The following SDAD1 variants were observed in gnomAD, a reference collection of about 807,000 sequenced individuals.
SDAD1 encodes protein SDA1 homolog.
SDAD1 carries 79 observed loss-of-function variants against 100.3 expected under a neutral mutation model. That is an observed-to-expected ratio of 0.79 (90% CI 0.66 to 0.95). The LOEUF (loss-of-function observed/expected upper bound fraction) is 0.95, where lower values mean the gene tolerates loss of function less well. SDAD1 is among the 40% of genes least tolerant of loss of function. The pLI is 0.00. For missense variants in SDAD1, 790 were observed against 810.9 expected, an observed-to-expected ratio of 0.97 and a Z score of 0.31; for synonymous variants, 267 against 271.4, an observed-to-expected ratio of 0.98 and a Z score of 0.16.
rs533408561 is a variant in SDAD1, at chr4:75,972,029, T to C, written c.712-571A>G. ...TCTCAGCTCACTACAACCTCCACCT[T>C]CCAGGTTAAAGTGATACTCCCACCT... On this transcript the variant is annotated intron_variant, in intron 8 of 21. Transcript: ENST00000356260. 8.6e-5 allele frequency among the ~76,000 whole-genome samples: 13 copies of C among 151,332 alleles called. No homozygotes were observed. The South Asian group carries it at 2.5e-3, about 29-fold the overall frequency.
At chr4:75,958,061 C>T in intron 17 of SDAD1, 120 bp from the exon 18 acceptor site, 6 of 799,546 alleles carry the variant, frequency 7.5e-6, no homozygotes, top group East Asian at 2.4e-5. Flanking sequence ...TAACCAAGAA[C>T]TGAGCAATAT....
chr4:75,983,942 T>G (rs1446528208), intron 1 of SDAD1, among the ~76,000 whole-genome samples: 1 of 152,182 alleles, frequency 6.6e-6, no homozygotes, highest in Non-Finnish European at 1.5e-5. Context: ...AAGTCTTTAA[T>G]CCATCTTGAT....
In SDAD1 at chr4:75,960,188, T is replaced by G. The variant is rs373597281; in HGVS notation, c.1361A>C (p.Lys454Thr). 2.5e-6 allele frequency: 4 copies of G among 1,581,624 alleles called. No individual in the cohort carries two copies. In the African/African-American group the frequency reaches 5.5e-5, roughly 22 times the overall value. The change falls in exon 17 of 22, where the codon AAG (lysine) becomes ACG (threonine). Residue 454 changes from lysine to threonine, a missense_variant. Physicochemically the swap from Lys to Thr is moderately conservative, Grantham distance 78 (BLOSUM62 -1). Transcript: ENST00000356260. Reference protein sequence around the residue: ...PQMLQKKFRGKPTEASIEARV... With the variant: ...PQMLQKKFRGTPTEASIEARV... ...TGCTTCTATGGAGGCCTCTGTAGGC[T>G]TACCCTAAAGGAAAAGAAATTGTTT...
intron 12 of SDAD1, among the ~76,000 whole-genome samples, chr4:75,966,066 C>T (rs968164404): frequency 5.3e-5 from 8 of 152,176 alleles, no homozygotes; most frequent in Admixed American, 3.3e-4. Context: ...CCCGACACTC[C>T]CTATTGTCCT....
chr4:75,962,090 A>G (rs1201452983), intron 14 of SDAD1, among the ~76,000 whole-genome samples: 1 of 151,964 alleles, frequency 6.6e-6, no homozygotes, highest in East Asian at 1.9e-4. Context: ...GATGTTCCCC[A>G]TCCTGTGTCC....
chr4:75,981,580 A>C, intron 2 of SDAD1, 110 bp from the exon 3 acceptor site: 1 of 1,547,108 alleles, frequency 6.5e-7, no homozygotes, highest in East Asian at 2.4e-5. Context: ...TGTTTCATAG[A>C]AGTAGATGGT....
Position 75,956,396 on chromosome 4 carries a change from G to GT in SDAD1, c.1855-261dup, listed in dbSNP as rs1332896998. Among the ~76,000 whole-genome samples, 518 of 110,966 alleles carry GT rather than the reference G, an allele frequency of 4.7e-3. 7 individuals are homozygous for GT. Among genetic ancestry groups the GT allele is most frequent in the African/African-American group, 0.014 (491 of 34,174 alleles). The allele number at this position is 110,966 out of a possible 152,430, so 72.8% of individuals were successfully genotyped here. On this transcript the variant is annotated intron_variant, in intron 20 of 21. Transcript: ENST00000356260. ...TCCTAGAAAGGGAGACAGGTAGACT[G>GT]TTTTTTTTTTGTTTTTTTTTTTTTT... is the stretch of plus-strand genomic sequence containing the variant.
At chr4:75,959,113 A>AAAAAC (rs1729079919) in intron 17 of SDAD1, among the ~76,000 whole-genome samples, 10 of 149,112 alleles carry the variant, frequency 6.7e-5, no homozygotes, top group Admixed American at 6.1e-4. Flanking sequence ...AAAAAAAAAA[A>AAAAAC]AAAAAAAAAA....
intron 21 of SDAD1, among the ~76,000 whole-genome samples, chr4:75,952,742 C>A (rs528177954): frequency 2.0e-5 from 3 of 152,190 alleles, no homozygotes; most frequent in African/African-American, 7.2e-5. Context: ...CATGTGACTA[C>A]TGAGCATTTG....
At chr4:75,953,409 G>A (rs1578108963) in intron 21 of SDAD1, among the ~76,000 whole-genome samples, 1 of 152,178 alleles carries the variant, frequency 6.6e-6, no homozygotes, top group East Asian at 1.9e-4. Context: ...CCTCAACCCT[G>A]AAATGTTAGT....
intron 17 of SDAD1, among the ~76,000 whole-genome samples, 153 bp downstream of exon 17, chr4:75,959,913 C>T (rs146850211): frequency 6.6e-6 from 1 of 152,330 alleles, no homozygotes; most frequent in Non-Finnish European, 1.5e-5. Flanking sequence ...GAACCATGCT[C>T]AATTGATCCC....
chr4:75,990,789 T>C lies in SDAD1; in HGVS notation c.53A>G (p.Asn18Ser), dbSNP rs747956953. Residue 18 changes from asparagine to serine, a missense_variant, in exon 1 of 22, where the codon AAT becomes AGT. Physicochemically the swap from Asn to Ser is conservative, Grantham distance 46. Transcript: ENST00000356260. Reference protein sequence around the residue: ...KLPSNLPQLQNLIKRDPPAYI... With the variant: ...KLPSNLPQLQSLIKRDPPAYI... Reference sequence around the variant, plus strand: ...GGCCGGCGGGTCTCGCTTGATTAGATTCTGTAACTGCGGCAGGTTGCTGGG... The same window carrying C: ...GGCCGGCGGGTCTCGCTTGATTAGACTCTGTAACTGCGGCAGGTTGCTGGG... The C allele has an allele frequency of 6.2e-7, 1 of 1,614,162 alleles. No homozygotes were observed. Among genetic ancestry groups the C allele is most frequent in the South Asian group, 1.1e-5 (1 of 91,088 alleles).
intron 1 of SDAD1, 130 bp from the exon 2 acceptor site, chr4:75,982,167 T>C: frequency 3.4e-6 from 2 of 586,504 alleles, no homozygotes; most frequent in South Asian, 2.3e-5. Context: ...CAAAAGTATA[T>C]AAAAACACTC....
intron 1 of SDAD1, among the ~76,000 whole-genome samples, chr4:75,989,841 C>T (rs938204684): frequency 1.3e-5 from 2 of 152,148 alleles, no homozygotes; most frequent in Non-Finnish European, 2.9e-5. Context: ...TGTTAAAAAG[C>T]ACTCATAAAA....
chr4:75,974,634 AGGAGGC>A (rs1730055032), intron 6 of SDAD1, among the ~76,000 whole-genome samples: 1 of 152,074 alleles, frequency 6.6e-6, no homozygotes, highest in Non-Finnish European at 1.5e-5. Context: ...GCTTGAACCC[AGGAGGC>A]GGAGGTTGCA....
intron 1 of SDAD1, among the ~76,000 whole-genome samples, chr4:75,989,215 C>CT (rs1434748205): frequency 6.6e-6 from 1 of 152,184 alleles, no homozygotes; most frequent in African/African-American, 2.4e-5. Context: ...TTCTTCTCTG[C>CT]TTTTTTTCCA....
At chr4:75,973,511 G>T in intron 7 of SDAD1, 120 bp from the exon 8 acceptor site, 1 of 684,192 alleles carries the variant, frequency 1.5e-6, no homozygotes, top group South Asian at 2.0e-5. Flanking sequence ...TTCAAAGAGT[G>T]GTGGGATTTT....
chr4:75,951,320 GAAAC>G (rs983406389), intron 21 of SDAD1, among the ~76,000 whole-genome samples: 5 of 152,028 alleles, frequency 3.3e-5, no homozygotes, highest in African/African-American at 1.2e-4. Context: ...TATAAAATCT[GAAAC>G]AAAGAAAAGT....
At chr4:75,966,145 C>T (rs765186930) in intron 12 of SDAD1, among the ~76,000 whole-genome samples, 1 of 152,158 alleles carries the variant, frequency 6.6e-6, no homozygotes, top group Non-Finnish European at 1.5e-5. Context: ...ACATCTACAT[C>T]TGCCTCCAGA....
Sources: gnomAD v4.1 joint callset for allele counts (sites outside exome capture counted in the v4.1 genomes callset) on GRCh38, gnomAD v4.1.1 for gene constraint, MANE v1.5 for transcripts, NCBI Gene and HGNC (gene_info 2026-07-23, HGNC 2026-07-21) for gene names.